FMNL2: variants seen among roughly 807,000 people sequenced by gnomAD.
FMNL2 encodes formin-like protein 2.
Under a neutral mutation model 130.2 loss-of-function variants are expected in FMNL2, and 51 were observed. The observed-to-expected ratio is 0.39, with a 90% CI of 0.31 to 0.49. The LOEUF (loss-of-function observed/expected upper bound fraction) is 0.49, where lower values mean the gene tolerates loss of function less well. Among genes scored for constraint, FMNL2 ranks in the 20% least tolerant of loss-of-function variants. FMNL2 has a pLI of 0.85. For synonymous variants in FMNL2, 465 were observed against 467.1 expected, an observed-to-expected ratio of 1.00 and a Z score of 0.06; for missense variants, 977 against 1,316.2, an observed-to-expected ratio of 0.74 and a Z score of 3.99.
At chr2:152,365,665 A>G (rs113344539) in intron 1 of FMNL2, among the ~76,000 whole-genome samples, 8,157 of 152,074 alleles carry the variant, frequency 0.054, 384 homozygotes, top group African/African-American at 0.12. Flanking sequence ...CCCAGCTATT[A>G]GGGAGGCTGA....
At chr2:152,395,258 C>T (rs1325568504) in intron 1 of FMNL2, among the ~76,000 whole-genome samples, 2 of 152,134 alleles carry the variant, frequency 1.3e-5, no homozygotes, top group African/African-American at 4.8e-5. Flanking sequence ...TGCTGTGGGA[C>T]ATGAGGTGGC....
intron 1 of FMNL2, among the ~76,000 whole-genome samples, chr2:152,436,381 A>C (rs1687765307): frequency 6.6e-6 from 1 of 152,076 alleles, no homozygotes; most frequent in African/African-American, 2.4e-5. Context: ...GAACTCAAGC[A>C]ATCCGCTGAC....
rs751962835 is a variant in FMNL2 at position 152,460,804 on chromosome 2, G to A, written c.118-61139G>A. On this transcript the variant is annotated intron_variant, in intron 1 of 25. Transcript: ENST00000288670. ...ATCCAATGCCTGATGATCTGTTACC[G>A]TCTCCCATCACCCCTGGATGGGACT... Among the ~76,000 whole-genome samples the A allele has an allele frequency of 5.3e-5, 8 of 152,192 alleles. 1 individual carries two copies. The highest frequency in any genetic ancestry group is 3.9e-4 in the East Asian group (2 of 5,186).
intron 2 of FMNL2, among the ~76,000 whole-genome samples, chr2:152,526,866 CTT>C (rs1289029706): frequency 6.6e-6 from 1 of 151,806 alleles, no homozygotes; most frequent in Admixed American, 6.6e-5. Context: ...AAATTTTTCT[CTT>C]GTATTCAAAT....
At position 152,614,865 on chromosome 2, in the gene FMNL2, T is replaced by C. The variant is rs1425679331; in HGVS notation, c.1077T>C (p.Thr359=). 1 of 1,611,640 alleles carries C rather than the reference T, an allele frequency of 6.2e-7. No homozygotes were observed. The highest frequency in any genetic ancestry group is 2.2e-5 in the East Asian group (1 of 44,836). Residue 359 remains threonine, a synonymous_variant, in exon 12 of 26, where the codon ACT becomes ACC. Transcript: ENST00000288670. The stretch of plus-strand genomic sequence containing the variant: ...CTGGTTTTTAGAAGCTGAAACACAC[T>C]GAGAGTGACAAGCTTCAAGTCCAGA... The part of the protein sequence containing the change: ...LDEYLDKLKH[T]ESDKLQVQIQ...
intron 1 of FMNL2, among the ~76,000 whole-genome samples, chr2:152,464,046 C>T (rs569793460): frequency 6.6e-6 from 1 of 152,332 alleles, no homozygotes; most frequent in East Asian, 1.9e-4. Context: ...GATTCTCCTG[C>T]CTCAGTCTCC....
At chr2:152,407,183 TCAC>T in intron 1 of FMNL2, among the ~76,000 whole-genome samples, 2 of 124,028 alleles carry the variant, frequency 1.6e-5, no homozygotes. Context: ...AAAATATTTT[TCAC>T]TTTCTGTTTT....
intron 1 of FMNL2, among the ~76,000 whole-genome samples, chr2:152,348,861 T>C (rs1273156697): frequency 8.4e-6 from 1 of 118,606 alleles, no homozygotes; most frequent in African/African-American, 3.2e-5. Context: ...GGAGTCTCGC[T>C]CTGTCGCCCA....
intron 9 of FMNL2, among the ~76,000 whole-genome samples, chr2:152,599,322 G>A (rs979019168): frequency 3.3e-5 from 5 of 149,442 alleles, no homozygotes; most frequent in African/African-American, 1.2e-4. Flanking sequence ...GTTCAGGCTG[G>A]ACTTGAAGCA....
At chr2:152,576,730 A>T (rs1235973781) in intron 7 of FMNL2, among the ~76,000 whole-genome samples, 1 of 152,232 alleles carries the variant, frequency 6.6e-6, no homozygotes, top group Non-Finnish European at 1.5e-5. Context: ...AACATCTAGT[A>T]ACAACTTGAA....
chr2:152,547,668 C>A (rs934751), intron 3 of FMNL2, among the ~76,000 whole-genome samples: 12,537 of 152,168 alleles, frequency 0.082, 542 homozygotes, highest in Middle Eastern at 0.13. Flanking sequence ...TCTTGCCACC[C>A]CACATTCTGG....
At position 152,611,485 on chromosome 2, in the gene FMNL2, T is replaced by C. The variant is rs1698680578; in HGVS notation, c.952-10T>C. ...GGAGCCCATCTAACCCCTTGACAATTTCATTTCAGGTGGCTTCTATGCAGT... is the reference window on the plus strand; with the variant it reads ...GGAGCCCATCTAACCCCTTGACAATCTCATTTCAGGTGGCTTCTATGCAGT... On this transcript the variant is annotated splice_polypyrimidine_tract_variant and intron_variant, in intron 10 of 25. Transcript: ENST00000288670. 1 of 1,547,376 alleles carries C rather than the reference T, an allele frequency of 6.5e-7. No homozygotes were observed. Among genetic ancestry groups the C allele is most frequent in the African/African-American group, 1.4e-5 (1 of 73,488 alleles).
At chr2:152,463,367 A>G (rs1260835888) in intron 1 of FMNL2, among the ~76,000 whole-genome samples, 1 of 152,208 alleles carries the variant, frequency 6.6e-6, no homozygotes, top group African/African-American at 2.4e-5. Context: ...TGAAGAAATC[A>G]AGGTTCAGTG....
At position 152,648,893 on chromosome 2, in the gene FMNL2, T is replaced by C. The variant is rs1683843203; in HGVS notation, c.*988T>C. 1 of 152,626 alleles carries C rather than the reference T, an allele frequency of 6.6e-6. No individual in the cohort carries two copies. The highest frequency in any genetic ancestry group is 2.1e-4 in the South Asian group (1 of 4,836). 9.5% of individuals were successfully genotyped at this position (152,626 alleles called of 1,614,324 possible). A position where few individuals can be genotyped will look rare whatever the true frequency, so the allele number is the denominator to read the frequency against. ...CATTTCCCAGACTACTTATGGAGAA[T>C]TGCAGTTTAAGTTGCTGAAAAGTAT... On this transcript the variant is annotated 3_prime_UTR_variant, in exon 26 of 26. Transcript: ENST00000288670.
At chr2:152,355,368 T>C (rs183200307) in intron 1 of FMNL2, among the ~76,000 whole-genome samples, 3 of 152,352 alleles carry the variant, frequency 2.0e-5, no homozygotes, top group East Asian at 3.9e-4. Context: ...AAATAAGACC[T>C]TGATGGGTCA....
intron 1 of FMNL2, among the ~76,000 whole-genome samples, chr2:152,494,950 G>T (rs905954743): frequency 6.6e-6 from 1 of 152,142 alleles, no homozygotes; most frequent in Non-Finnish European, 1.5e-5. Context: ...AAGTAGAGTA[G>T]AAAATAGAAC....
intron 1 of FMNL2, among the ~76,000 whole-genome samples, chr2:152,395,989 CAG>C (rs1685373494): frequency 6.6e-6 from 1 of 152,344 alleles, no homozygotes; most frequent in East Asian, 1.9e-4. Context: ...TGTCTTTCGA[CAG>C]AGTCAGAAAG....
At chr2:152,607,962 G>A (rs1021090634) in intron 10 of FMNL2, among the ~76,000 whole-genome samples, 1 of 152,176 alleles carries the variant, frequency 6.6e-6, no homozygotes, top group Non-Finnish European at 1.5e-5. Context: ...TCCTTGGCAG[G>A]TTAGGTGACA....
intron 1 of FMNL2, among the ~76,000 whole-genome samples, chr2:152,341,106 G>C (rs1233244827): frequency 6.6e-6 from 1 of 152,236 alleles, no homozygotes; most frequent in Non-Finnish European, 1.5e-5. Context: ...GCGGGTGGGA[G>C]TGTAGTGAGG....
Sources: allele counts gnomAD v4.1 joint callset (sites outside exome capture counted in the v4.1 genomes callset), GRCh38; gene constraint gnomAD v4.1.1; transcripts MANE v1.5; gene names NCBI Gene and HGNC (gene_info 2026-07-23, HGNC 2026-07-21).